Variants in METTL8 observed in about 807,000 individuals in gnomAD.
The protein encoded by METTL8 is tRNA N(3)-cytidine methyltransferase METTL8, mitochondrial.
In METTL8, 32 loss-of-function variants were observed where a neutral mutation model predicts 48.7. The observed-to-expected ratio is 0.66, with a 90% CI of 0.50 to 0.88. METTL8 has a LOEUF of 0.88. Ranked by LOEUF, METTL8 falls within the 40% of genes least tolerant of loss-of-function variation. The pLI is 0.00. For missense variants in METTL8, 464 were observed against 474.4 expected, an observed-to-expected ratio of 0.98 and a Z score of 0.20; for synonymous variants, 136 against 157.1, an observed-to-expected ratio of 0.87 and a Z score of 1.01.
At chr2:171,330,237 A>G (rs1685373757) in intron 7 of METTL8, among the ~76,000 whole-genome samples, 1 of 152,154 alleles carries the variant, frequency 6.6e-6, no homozygotes, top group South Asian at 2.1e-4. Context: ...ACCAAGTACA[A>G]TTTCCCTCTT....
At chr2:171,387,934 A>C (rs2105551864) in intron 2 of METTL8, among the ~76,000 whole-genome samples, 1 of 152,304 alleles carries the variant, frequency 6.6e-6, no homozygotes, top group Non-Finnish European at 1.5e-5. Flanking sequence ...GTCTGCAGAT[A>C]TCATGCCCAA....
At chr2:171,342,872 CTAA>C (rs1686914921) in intron 3 of METTL8, among the ~76,000 whole-genome samples, 1 of 152,024 alleles carries the variant, frequency 6.6e-6, no homozygotes, top group South Asian at 2.1e-4. Context: ...GGGGAGTAAC[CTAA>C]TAAAAGATGT....
chr2:171,409,340 G>A (rs1380750774), intron 1 of METTL8, among the ~76,000 whole-genome samples: 2 of 151,728 alleles, frequency 1.3e-5, no homozygotes, highest in African/African-American at 2.4e-5. Flanking sequence ...AACAAATTCC[G>A]GAAACATTTC....
chr2:171,421,891 G>T (rs965208102), intron 1 of METTL8, among the ~76,000 whole-genome samples: 2 of 152,146 alleles, frequency 1.3e-5, no homozygotes, highest in Non-Finnish European at 2.9e-5. Context: ...AGGATTATTT[G>T]ATATTGTAAA....
chr2:171,319,168 G>A lies in METTL8; in HGVS notation c.*5004C>T, dbSNP rs1684404129. On this transcript the variant is annotated 3_prime_UTR_variant, in exon 10 of 10. Coordinates refer to ENST00000375258, the MANE Select transcript of METTL8 (RefSeq NM_001321154.2). ...ACCTTTGAAAAAGTCACTGTTGCTGGAATACTGTGTGTACTGCCTTGTAGA... is the reference window on the plus strand; with the variant it reads ...ACCTTTGAAAAAGTCACTGTTGCTGAAATACTGTGTGTACTGCCTTGTAGA... 1 of 152,122 alleles carries A rather than the reference G, an allele frequency of 6.6e-6. No individual in the cohort carries two copies. The highest frequency in any genetic ancestry group is 1.5e-5 in the Non-Finnish European group (1 of 68,030). 9.4% of individuals were successfully genotyped at this position (152,122 alleles called of 1,614,324 possible).
intron 1 of METTL8, among the ~76,000 whole-genome samples, chr2:171,422,089 T>C (rs1691931769): frequency 6.6e-6 from 1 of 152,100 alleles, no homozygotes; most frequent in Non-Finnish European, 1.5e-5. Flanking sequence ...TCAAGCCTTA[T>C]GATAAAACTG....
intron 6 of METTL8, 81 bp from the exon 7 acceptor site, chr2:171,330,779 A>T (rs534567164): frequency 8.4e-7 from 1 of 1,186,674 alleles, no homozygotes; most frequent in African/African-American, 1.6e-5. Context: ...AAAAAGGTCA[A>T]ATTTTTAACC....
At chr2:171,394,801 G>A (rs1202969878) in intron 1 of METTL8, among the ~76,000 whole-genome samples, 1 of 152,298 alleles carries the variant, frequency 6.6e-6, no homozygotes, top group Non-Finnish European at 1.5e-5. Context: ...CTCATGAATT[G>A]TTTGACTGAT....
At chr2:171,381,923 A>G (rs13005615) in intron 2 of METTL8, among the ~76,000 whole-genome samples, 35,986 of 151,642 alleles carry the variant, frequency 0.24, 4,499 homozygotes, top group Non-Finnish European at 0.27. Flanking sequence ...CTGGGACTAC[A>G]GGCACGCATC....
intron 1 of METTL8, among the ~76,000 whole-genome samples, chr2:171,402,572 T>C (rs1689747248): frequency 6.6e-6 from 1 of 152,164 alleles, no homozygotes. Context: ...ACGTTATATA[T>C]AGAAATATCT....
At chr2:171,346,180 A>G (rs1342191950) in intron 3 of METTL8, among the ~76,000 whole-genome samples, 4 of 151,968 alleles carry the variant, frequency 2.6e-5, no homozygotes, top group Non-Finnish European at 4.4e-5. Flanking sequence ...AAGCACGCAC[A>G]ACCACGCCTG....
chr2:171,419,917 TACATTTTCTAAACAGAG>T (rs1691705388), intron 1 of METTL8, among the ~76,000 whole-genome samples: 1 of 152,124 alleles, frequency 6.6e-6, no homozygotes, highest in Non-Finnish European at 1.5e-5. Context: ...CTGTTTCTGT[TACATTTTCTAAACAGAG>T]AATGTACTGT....
rs1253563023 is a variant in METTL8, at chr2:171,317,576, T to C, written c.*6596A>G. ...CTAGCTGGACACTATTTGAAGTCTA[T>C]GTGCTCAAGTATTGCTTTTTTTCCC... On this transcript the variant is annotated 3_prime_UTR_variant, in exon 10 of 10. Transcript: ENST00000375258. The C allele has an allele frequency of 2.0e-5, 3 of 152,270 alleles. No individual in the cohort carries two copies. Among genetic ancestry groups the C allele is most frequent in the Non-Finnish European group, 2.9e-5 (2 of 68,054 alleles). The allele number at this position is 152,270 out of a possible 1,614,324, so 9.4% of individuals were successfully genotyped here.
At chr2:171,361,109 A>G (rs1685116944) in intron 2 of METTL8, among the ~76,000 whole-genome samples, 2 of 152,182 alleles carry the variant, frequency 1.3e-5, no homozygotes, top group African/African-American at 4.8e-5. Context: ...GGTACTTTCT[A>G]TAAGTATTTT....
intron 3 of METTL8, 68 bp downstream of exon 3, chr2:171,360,354 A>T: frequency 7.6e-7 from 1 of 1,320,672 alleles, no homozygotes. Context: ...TCTCAGAAGC[A>T]ATGACACGAG....
rs1009894232 is a variant in METTL8 at position 171,317,986 on chromosome 2, G to A, written c.*6186C>T. 7 of 152,152 alleles carry A rather than the reference G, an allele frequency of 4.6e-5. No individual in the cohort carries two copies. Among genetic ancestry groups the A allele is most frequent in the African/African-American group, 1.2e-4 (5 of 41,422 alleles). The allele number at this position is 152,152 out of a possible 1,614,324, so 9.4% of individuals were successfully genotyped here. A position where few individuals can be genotyped will look rare whatever the true frequency, so the allele number is the denominator to read the frequency against. On this transcript the variant is annotated 3_prime_UTR_variant, in exon 10 of 10. Transcript: ENST00000375258. Reference sequence around the variant, plus strand: ...TCTTACCCTCTGTAGGCACTCACACGCAGAACTATTATTACTTGCTTGTTA... The same window carrying A: ...TCTTACCCTCTGTAGGCACTCACACACAGAACTATTATTACTTGCTTGTTA...
intron 9 of METTL8, among the ~76,000 whole-genome samples, 191 bp downstream of exon 9, chr2:171,325,650 A>G (rs1024128608): frequency 7.2e-5 from 11 of 152,130 alleles, no homozygotes; most frequent in Non-Finnish European, 1.6e-4. Flanking sequence ...GTTTAACTGG[A>G]AAAAGATTAA....
chr2:171,394,790 G>A (rs1688902997), intron 1 of METTL8, among the ~76,000 whole-genome samples: 1 of 152,314 alleles, frequency 6.6e-6, no homozygotes, highest in East Asian at 1.9e-4. Context: ...GCACCAGGCT[G>A]CTCATGAATT....
At position 171,379,702 on chromosome 2, in the gene METTL8, G is replaced by A. The variant is rs183009904; in HGVS notation, c.143+12341C>T. The stretch of plus-strand genomic sequence containing the variant: ...GTACACCCTCCCAACACTCAACCAG[G>A]AAGAAGTTCAATCCTTGAATAGACC... On this transcript the variant is annotated intron_variant, in intron 2 of 9. Coordinates refer to ENST00000375258, the MANE Select transcript of METTL8 (RefSeq NM_001321154.2). Among the ~76,000 whole-genome samples, 101 of 152,246 alleles carry A rather than the reference G, an allele frequency of 6.6e-4. 1 individual carries two copies. Among genetic ancestry groups the A allele is most frequent in the Admixed American group, 1.4e-3 (22 of 15,292 alleles).
Sources: gnomAD v4.1 joint callset for allele counts (sites outside exome capture counted in the v4.1 genomes callset) on GRCh38, gnomAD v4.1.1 for gene constraint, MANE v1.5 for transcripts, NCBI Gene and HGNC (gene_info 2026-07-23, HGNC 2026-07-21) for gene names.